The following FAM222B variants were observed in gnomAD, a reference collection of about 807,000 sequenced individuals.
FAM222B encodes the protein family with sequence similarity 222 member B.
FAM222B carries 12 observed loss-of-function variants against 38.0 expected under a neutral mutation model. The observed-to-expected ratio is 0.32, with a 90% CI of 0.20 to 0.51. The LOEUF (loss-of-function observed/expected upper bound fraction) is 0.51. FAM222B is among the 20% of genes least tolerant of loss of function. The probability of loss-of-function intolerance (pLI) is 0.97; values close to 1 mark genes in which losing one functional copy is unlikely to be tolerated. For synonymous variants in FAM222B, 329 were observed against 317.2 expected (o/e 1.04, Z -0.40); for missense variants, 716 against 754.2 (o/e 0.95, Z 0.59).
At chr17:28,809,803 A>G (rs1432519491) in intron 1 of FAM222B, among the ~76,000 whole-genome samples, 1 of 152,114 alleles carries the variant, frequency 6.6e-6, no homozygotes, top group African/African-American at 2.4e-5. Flanking sequence ...GCCAGACCCT[A>G]TTCTCTACAA....
intron 1 of FAM222B, among the ~76,000 whole-genome samples, chr17:28,811,078 C>T (rs1055200306): frequency 1.3e-5 from 2 of 152,106 alleles, no homozygotes; most frequent in Non-Finnish European, 2.9e-5. Flanking sequence ...AAATATTCAT[C>T]CCTTTTGGTA....
chr17:28,837,070 C>T (rs916161770), intron 1 of FAM222B, among the ~76,000 whole-genome samples: 1 of 152,052 alleles, frequency 6.6e-6, no homozygotes, highest in East Asian at 1.9e-4. Context: ...GAGCCAAGAT[C>T]GCACCCCTGC....
intron 1 of FAM222B, among the ~76,000 whole-genome samples, chr17:28,775,838 G>T (rs558142515): frequency 6.7e-6 from 1 of 150,054 alleles, no homozygotes; most frequent in South Asian, 2.1e-4. Flanking sequence ...CCGAGATGGC[G>T]CCACTACACT....
At chr17:28,821,593 T>C (rs148275308) in intron 1 of FAM222B, among the ~76,000 whole-genome samples, 3 of 152,290 alleles carry the variant, frequency 2.0e-5, no homozygotes, top group African/African-American at 7.2e-5. Context: ...AAAAGTCTCA[T>C]TCGCTCACCA....
intron 1 of FAM222B, among the ~76,000 whole-genome samples, chr17:28,813,140 A>C (rs543868694): frequency 4.4e-4 from 59 of 135,250 alleles, no homozygotes; most frequent in Admixed American, 6.8e-4. Flanking sequence ...AAAAAAAAAA[A>C]ACACACACAT....
rs559809309 is a variant in FAM222B, at chr17:28,758,603, G to C, written c.1356C>G (p.Pro452=). The change falls in exon 3 of 3, where the codon CCC becomes CCG. Residue 452 remains proline (P), a synonymous_variant. Transcript: ENST00000581407. ...LAYPNGHYFQ[P]LWNNILPTPN... ...GAGTGGGCAGAATGTTGTTCCACAGGGGTTGGAAGTAGTGACCATTGGGGT... is the reference window on the plus strand; with the variant it reads ...GAGTGGGCAGAATGTTGTTCCACAGCGGTTGGAAGTAGTGACCATTGGGGT... 1.9e-6 allele frequency: 3 copies of C among 1,611,102 alleles called. No homozygotes were observed. In the African/African-American group the frequency reaches 4.0e-5, roughly 21 times the overall value.
At chr17:28,814,479 C>A (rs991108193) in intron 1 of FAM222B, among the ~76,000 whole-genome samples, 19 of 152,024 alleles carry the variant, frequency 1.2e-4, no homozygotes, top group Non-Finnish European at 1.5e-5. Flanking sequence ...ATTTTTGAGA[C>A]GGAGTTTCGC....
At chr17:28,822,832 AATATATATAT>A (rs1254235399) in intron 1 of FAM222B, among the ~76,000 whole-genome samples, 46 of 42,792 alleles carry the variant, frequency 1.1e-3, no homozygotes, top group African/African-American at 3.9e-3. Flanking sequence ...AAAAAAAAAA[AATATATATAT>A]ATATATATAT....
rs2034736849 is a variant in FAM222B, at chr17:28,757,112, G to C, written c.*1158C>G. ...TGCTCTAAGAATGGACAGAGGGCAG[G>C]AGGGGCTTGTTTCCAATGTAGGCCC... On this transcript the variant is annotated 3_prime_UTR_variant, in exon 3 of 3. Coordinates refer to ENST00000581407, the MANE Select transcript of FAM222B (RefSeq NM_001077498.3). The C allele has an allele frequency of 6.6e-6, 1 of 152,664 alleles. No homozygotes were observed. Among genetic ancestry groups the C allele is most frequent in the African/African-American group, 2.4e-5 (1 of 41,462 alleles). The allele number at this position is 152,664 out of a possible 1,614,324, so 9.5% of individuals were successfully genotyped here. A position where few individuals can be genotyped will look rare whatever the true frequency, so the allele number is the denominator to read the frequency against.
intron 1 of FAM222B, among the ~76,000 whole-genome samples, chr17:28,773,382 TGA>T (rs2035731373): frequency 1.4e-5 from 2 of 144,942 alleles, no homozygotes; most frequent in African/African-American, 5.1e-5. Flanking sequence ...CTCGATAGGC[TGA>T]GACAGAATTG....
At chr17:28,853,775 T>C (rs1298116752) in intron 1 of FAM222B, among the ~76,000 whole-genome samples, 1 of 151,862 alleles carries the variant, frequency 6.6e-6, no homozygotes, top group Non-Finnish European at 1.5e-5. Context: ...CCTGTAGTCC[T>C]AGCTACTCAA....
chr17:28,818,524 G>A (rs1433904103), intron 1 of FAM222B, among the ~76,000 whole-genome samples: 3 of 147,992 alleles, frequency 2.0e-5, no homozygotes, highest in African/African-American at 7.5e-5. Context: ...GACAGAGCGA[G>A]AGTCCGTCTC....
intron 1 of FAM222B, among the ~76,000 whole-genome samples, chr17:28,776,075 CAAAAAA>C (rs564594488): frequency 2.5e-5 from 2 of 81,304 alleles, no homozygotes; most frequent in Non-Finnish European, 5.1e-5. Flanking sequence ...GACTTTGTCT[CAAAAAA>C]AAAAAAAGAA....
chr17:28,788,351 G>C (rs1013144925), intron 1 of FAM222B, among the ~76,000 whole-genome samples: 3 of 152,184 alleles, frequency 2.0e-5, no homozygotes, highest in Non-Finnish European at 4.4e-5. Flanking sequence ...GGATCTTCTT[G>C]CCTCAGCTTC....
At chr17:28,772,880 G>A (rs528204731) in intron 1 of FAM222B, among the ~76,000 whole-genome samples, 29 of 152,252 alleles carry the variant, frequency 1.9e-4, no homozygotes, top group Middle Eastern at 3.4e-3. Context: ...CGGCGACAGA[G>A]CGAGACTCTG....
Position 28,759,836 on chromosome 17 carries a change from G to T in FAM222B, c.123C>A (p.Thr41=). 6.4e-7 allele frequency: 1 copy of T among 1,573,192 alleles called. No individual in the cohort carries two copies. The highest frequency in any genetic ancestry group is 8.6e-7 in the Non-Finnish European group (1 of 1,159,324). ...TQKMRTAHYP[T]PAELDAYAKK... The stretch of plus-strand genomic sequence containing the variant: ...TAGCATACGCATCCAATTCGGCTGG[G>T]GTAGGATAGTGAGCAGTTCTCATTT... The change falls in exon 3 of 3, where the codon ACC becomes ACA. Residue 41 remains threonine (T), a synonymous_variant. Coordinates refer to ENST00000581407, the MANE Select transcript of FAM222B (RefSeq NM_001077498.3). The surrounding 1 kb of genome is among the most constrained non-coding windows in gnomAD (Gnocchi z 4.8).
intron 1 of FAM222B, among the ~76,000 whole-genome samples, chr17:28,777,353 T>G (rs903725843): frequency 6.6e-6 from 1 of 152,104 alleles, no homozygotes; most frequent in Non-Finnish European, 1.5e-5. Flanking sequence ...CCACCCTGAT[T>G]CCCCCAAAGG....
chr17:28,799,732 T>C (rs1259729750), intron 1 of FAM222B, among the ~76,000 whole-genome samples: 3 of 152,054 alleles, frequency 2.0e-5, no homozygotes, highest in Admixed American at 2.0e-4. Flanking sequence ...CTCAATCTCC[T>C]GAGTAAGCTG....
intron 1 of FAM222B, among the ~76,000 whole-genome samples, chr17:28,795,944 A>C (rs987461233): frequency 2.0e-5 from 3 of 152,194 alleles, no homozygotes; most frequent in African/African-American, 7.2e-5. Flanking sequence ...AGCCATTAAG[A>C]CTGCTCCTAA....
Sources: gnomAD v4.1 joint callset for allele counts (sites outside exome capture counted in the v4.1 genomes callset) on GRCh38, gnomAD v4.1.1 for gene constraint, Gnocchi (gnomAD v3.1) non-coding constraint, MANE v1.5 for transcripts, NCBI Gene and HGNC (gene_info 2026-07-23, HGNC 2026-07-21) for gene names.